Variants in CDH13 observed in about 807,000 individuals in gnomAD.
The protein encoded by CDH13 is cadherin-13.
A neutral mutation model predicts 63.8 loss-of-function variants in CDH13; 24 were observed. The ratio of observed to expected loss-of-function variants is 0.38; its 90% confidence interval spans 0.27 to 0.53. CDH13 has a LOEUF of 0.53. Ranked by LOEUF, CDH13 falls within the 20% of genes least tolerant of loss-of-function variation. The probability of loss-of-function intolerance (pLI) is 0.85; values close to 1 mark genes in which losing one functional copy is unlikely to be tolerated. For missense variants in CDH13, 1,049 were observed against 903.1 expected (o/e 1.16, Z -2.07); for synonymous variants, 503 against 355.3 (o/e 1.42, Z -4.67).
At chr16:83,567,969 G>T (rs1759108114) in intron 7 of CDH13, among the ~76,000 whole-genome samples, 1 of 152,174 alleles carries the variant, frequency 6.6e-6, no homozygotes, top group African/African-American at 2.4e-5. Flanking sequence ...GCATTCTGCA[G>T]AGTGCTGCCC....
At chr16:82,778,064 C>A (rs2035580320) in intron 1 of CDH13, among the ~76,000 whole-genome samples, 1 of 152,190 alleles carries the variant, frequency 6.6e-6, no homozygotes, top group Non-Finnish European at 1.5e-5. Context: ...ACCCCACCCT[C>A]AGTGGAGGGG....
chr16:83,647,853 G>T (rs188317565), intron 8 of CDH13, among the ~76,000 whole-genome samples: 8 of 152,284 alleles, frequency 5.3e-5, no homozygotes, highest in South Asian at 4.1e-4. Context: ...CCTGGGTCCA[G>T]AAAGTTGATA....
chr16:83,470,523 T>C (rs575483722), intron 6 of CDH13, among the ~76,000 whole-genome samples: 1 of 152,340 alleles, frequency 6.6e-6, no homozygotes, highest in East Asian at 1.9e-4. Context: ...ATTCCTCTTA[T>C]AATAGAGCAT....
chr16:82,662,396 G>A (rs1331653653), intron 1 of CDH13, among the ~76,000 whole-genome samples: 1 of 152,194 alleles, frequency 6.6e-6, no homozygotes, highest in Non-Finnish European at 1.5e-5. Context: ...ATGAGCATGT[G>A]TTACTGTTGT....
chr16:82,677,541 A>G (rs1914073754), intron 1 of CDH13, among the ~76,000 whole-genome samples: 1 of 151,054 alleles, frequency 6.6e-6, no homozygotes, highest in Admixed American at 6.6e-5. Context: ...AATAACGACT[A>G]AATTACTGCT....
chr16:83,465,086 C>G (rs999507676), intron 6 of CDH13, among the ~76,000 whole-genome samples: 1 of 152,200 alleles, frequency 6.6e-6, no homozygotes. Context: ...AGGCGGCAGA[C>G]AAAGTCCCCC....
intron 1 of CDH13, among the ~76,000 whole-genome samples, chr16:82,657,674 C>G (rs2150919672): frequency 6.6e-6 from 1 of 152,142 alleles, no homozygotes; most frequent in South Asian, 2.1e-4. Flanking sequence ...GTAAATATTC[C>G]AATTTGGGGA....
intron 4 of CDH13, among the ~76,000 whole-genome samples, chr16:83,143,465 A>G (rs564008644): frequency 3.4e-4 from 52 of 152,330 alleles, no homozygotes; most frequent in African/African-American, 1.2e-3. Flanking sequence ...AGCTTCATGG[A>G]AAAAATAGTT....
At chr16:83,026,387 C>G (rs1022486132) in intron 2 of CDH13, among the ~76,000 whole-genome samples, 14 of 152,208 alleles carry the variant, frequency 9.2e-5, no homozygotes, top group African/African-American at 2.9e-4. Context: ...CTCTCTGAGA[C>G]TCAGTCTCTT....
intron 1 of CDH13, among the ~76,000 whole-genome samples, chr16:82,768,134 G>A (rs1254169809): frequency 2.0e-5 from 3 of 152,188 alleles, no homozygotes; most frequent in Non-Finnish European, 4.4e-5. Flanking sequence ...CATGAGAGAC[G>A]CACCTTGTGG....
chr16:82,987,550 G>C (rs1023776624), intron 2 of CDH13, among the ~76,000 whole-genome samples: 2 of 151,976 alleles, frequency 1.3e-5, no homozygotes, highest in Admixed American at 1.3e-4. Flanking sequence ...CTAATTTTTG[G>C]ATTCTTAGTA....
intron 6 of CDH13, among the ~76,000 whole-genome samples, chr16:83,452,625 C>A (rs1181872857): frequency 1.3e-5 from 2 of 151,812 alleles, no homozygotes; most frequent in Admixed American, 1.3e-4. Context: ...TATAGAATAA[C>A]CAGATTTGTT....
intron 2 of CDH13, among the ~76,000 whole-genome samples, chr16:82,940,090 G>C (rs10871438): frequency 0.31 from 46,794 of 152,028 alleles, 9,394 homozygotes; most frequent in African/African-American, 0.58. Flanking sequence ...ATGGGGGAAA[G>C]TGCCCCCATG....
At chr16:82,845,568 T>C (rs776152482) in intron 1 of CDH13, among the ~76,000 whole-genome samples, 1 of 152,210 alleles carries the variant, frequency 6.6e-6, no homozygotes, top group African/African-American at 2.4e-5. Flanking sequence ...TCCCATCTTT[T>C]GTCTCTGTGG....
chr16:83,345,039 G>T (rs1359232492), intron 6 of CDH13, 33 bp downstream of exon 6: 1 of 1,605,370 alleles, frequency 6.2e-7, no homozygotes, highest in South Asian at 1.1e-5. Flanking sequence ...TAGCGTAATG[G>T]CTTGGAAAGA....
At chr16:83,384,456 C>T (rs756772034) in intron 6 of CDH13, among the ~76,000 whole-genome samples, 2 of 152,166 alleles carry the variant, frequency 1.3e-5, no homozygotes, top group African/African-American at 4.8e-5. Flanking sequence ...AGGGTTAAGC[C>T]AAGAGGCTTA....
At chr16:82,886,674 G>A (rs2040897605) in intron 2 of CDH13, among the ~76,000 whole-genome samples, 1 of 151,778 alleles carries the variant, frequency 6.6e-6, no homozygotes, top group Non-Finnish European at 1.5e-5. Context: ...ATGAAAATTG[G>A]ACACCGGCTC....
intron 3 of CDH13, among the ~76,000 whole-genome samples, chr16:83,034,292 C>G (rs998305761): frequency 9.2e-5 from 14 of 152,164 alleles, no homozygotes; most frequent in Non-Finnish European, 1.3e-4. Context: ...TGGAACCTAT[C>G]TGCCATTCCT....
Position 83,486,583 on chromosome 16 carries a change from C to T in CDH13, c.888C>T (p.Pro296=). Residue 296 remains proline, a synonymous_variant, in exon 7 of 14, where the codon CCC becomes CCT. Coordinates refer to ENST00000567109, the MANE Select transcript of CDH13 (RefSeq NM_001257.5). The part of the protein sequence containing the change: ...IRQQTPDKPS[P]NMFYIDPEKG... ...AGCAGACGCCTGACAAGCCATCTCC[C>T]AACATGTTCTACATCGATCCTGAGA... The T allele has an allele frequency of 6.2e-7, 1 of 1,613,934 alleles. No individual in the cohort carries two copies. Among genetic ancestry groups the T allele is most frequent in the East Asian group, 2.2e-5 (1 of 44,868 alleles).
Sources: gnomAD v4.1 joint callset for allele counts (sites outside exome capture counted in the v4.1 genomes callset) on GRCh38, gnomAD v4.1.1 for gene constraint, MANE v1.5 for transcripts, NCBI Gene and HGNC (gene_info 2026-07-23, HGNC 2026-07-21) for gene names.